ACACB: variants seen among roughly 807,000 people sequenced by gnomAD.
ACACB encodes the protein acetyl-CoA carboxylase beta, also known as acetyl-CoA carboxylase 2.
A neutral mutation model predicts 278.8 loss-of-function variants in ACACB; 209 were observed. That is an observed-to-expected ratio of 0.75 (90% confidence interval 0.67 to 0.84). The LOEUF (loss-of-function observed/expected upper bound fraction) is 0.84. ACACB is among the 40% of genes least tolerant of loss of function. The pLI is 0.00. For missense variants in ACACB, 2,850 were observed against 3,269.0 expected (o/e 0.87, Z 3.13); for synonymous variants, 1,174 against 1,285.6 (o/e 0.91, Z 1.86).
rs1183736902 is a variant in ACACB at position 109,266,501 on chromosome 12, G to A, written c.*139G>A. On this transcript the variant is annotated 3_prime_UTR_variant, in exon 53 of 53. Coordinates refer to ENST00000338432, the MANE Select transcript of ACACB (RefSeq NM_001093.4). ...GCACTTCTGCAGGGCTGCTGGTTCC[G>A]AGCTGACACCCGTCTTAACAAAAGG... 7 of 1,110,650 alleles carry A rather than the reference G, an allele frequency of 6.3e-6. No homozygotes were observed. Among genetic ancestry groups the A allele is most frequent in the East Asian group, 3.0e-5 (1 of 33,714 alleles). 68.8% of individuals were successfully genotyped at this position (1,110,650 alleles called of 1,614,324 possible). A position where few individuals can be genotyped will look rare whatever the true frequency, so the allele number is the denominator to read the frequency against.
intron 28 of ACACB, among the ~76,000 whole-genome samples, chr12:109,231,198 G>A (rs1244610475): frequency 2.0e-5 from 3 of 152,136 alleles, no homozygotes; most frequent in Non-Finnish European, 2.9e-5. Context: ...TCTGTGCTGG[G>A]TGGGAACTGG....
rs554472323 is a variant in ACACB, at chr12:109,252,627, T to C, written c.5902-388T>C. On this transcript the variant is annotated intron_variant, in intron 42 of 52. Transcript: ENST00000338432. Reference sequence around the variant, plus strand: ...AAATCTCAGCCAAAGTCTCAAAGCCTGGTTCTTGAACCAACAGCATCAGCA... The same window carrying C: ...AAATCTCAGCCAAAGTCTCAAAGCCCGGTTCTTGAACCAACAGCATCAGCA... 7.4e-5 allele frequency: 13 copies of C among 176,392 alleles called. 1 individual carries two copies. In the East Asian group the frequency reaches 1.9e-3, roughly 25 times the overall value. 10.9% of individuals were successfully genotyped at this position (176,392 alleles called of 1,614,324 possible).
chr12:109,131,419 CA>C (rs1342474872), intron 1 of ACACB: 1 of 152,514 alleles, frequency 6.6e-6, no homozygotes, highest in Non-Finnish European at 1.5e-5. Context: ...GCTGCATCCC[CA>C]GTGACGGTAA....
intron 16 of ACACB, among the ~76,000 whole-genome samples, chr12:109,194,242 C>T (rs1006852357): frequency 6.6e-6 from 1 of 152,054 alleles, no homozygotes; most frequent in African/African-American, 2.4e-5. Context: ...GTCACCCAGG[C>T]TGGAGTGCAG....
chr12:109,168,082 G>A, intron 4 of ACACB, 48 bp downstream of exon 4: 3 of 1,562,728 alleles, frequency 1.9e-6, no homozygotes, highest in Non-Finnish European at 2.6e-6. Flanking sequence ...ATCCTTGCCT[G>A]CCCTCGCCTC....
intron 1 of ACACB, among the ~76,000 whole-genome samples, chr12:109,124,956 C>CT (rs2042642087): frequency 5.9e-5 from 9 of 152,202 alleles, no homozygotes; most frequent in African/African-American, 2.2e-4. Flanking sequence ...TCAAACGATA[C>CT]TCCCGCCTTG....
At chr12:109,239,700 G>T in intron 34 of ACACB, 130 bp from the exon 35 acceptor site, 1 of 1,116,460 alleles carries the variant, frequency 9.0e-7, no homozygotes. Context: ...TGCTGTTCTT[G>T]CCTGGCACAC....
chr12:109,152,064 G>A (rs765943685), intron 2 of ACACB, among the ~76,000 whole-genome samples: 6 of 152,260 alleles, frequency 3.9e-5, no homozygotes, highest in South Asian at 2.1e-4. Flanking sequence ...CCTTATTTGA[G>A]ACCCTGGGTC....
intron 37 of ACACB, 80 bp from the exon 38 acceptor site, chr12:109,245,546 A>G: frequency 6.8e-7 from 1 of 1,476,458 alleles, no homozygotes; most frequent in Non-Finnish European, 9.2e-7. Context: ...TGGAATCATG[A>G]CAGATCATCT....
rs1482420345 is a variant in ACACB, at chr12:109,256,226, G to C, written c.6253G>C (p.Gly2085Arg). 1 of 1,613,686 alleles carries C rather than the reference G, an allele frequency of 6.2e-7. No individual in the cohort carries two copies. Among genetic ancestry groups the C allele is most frequent in the East Asian group, 2.2e-5 (1 of 44,878 alleles). Residue 2085 changes from glycine (G) to arginine (R), a missense_variant, in exon 45 of 53, where the codon GGA becomes CGA. Transcript: ENST00000338432. Reference sequence around the variant, plus strand: ...ACCCTGGGCGCAGACCGTGGTGACAGGACGAGCAAGGTAATCATGAAGACG... The same window carrying C: ...ACCCTGGGCGCAGACCGTGGTGACACGACGAGCAAGGTAATCATGAAGACG... ...MAPWAQTVVT[G>R]RARLGGIPVG...
At chr12:109,227,516 G>A (rs1436390762) in intron 28 of ACACB, 27 bp downstream of exon 28, 4 of 1,601,594 alleles carry the variant, frequency 2.5e-6, no homozygotes, top group Admixed American at 1.7e-5. Flanking sequence ...ACCCAGGGAC[G>A]GCCTGTGTTT....
intron 21 of ACACB, among the ~76,000 whole-genome samples, chr12:109,210,510 C>T (rs1411654355): frequency 1.1e-4 from 16 of 146,476 alleles, no homozygotes; most frequent in Admixed American, 2.7e-4. Context: ...TGTGTATATA[C>T]GCACATACAT....
chr12:109,162,716 A>C (rs1392167829), intron 2 of ACACB, among the ~76,000 whole-genome samples: 1 of 152,134 alleles, frequency 6.6e-6, no homozygotes, highest in East Asian at 1.9e-4. Flanking sequence ...CTGTCCAGGC[A>C]GAAGACTGGA....
intron 26 of ACACB, 22 bp from the exon 27 acceptor site, chr12:109,223,793 T>C (rs754861912): frequency 1.3e-6 from 2 of 1,596,830 alleles, no homozygotes; most frequent in Non-Finnish European, 1.7e-6. Context: ...TTTTCCTTGT[T>C]TCCCCTTTTC....
chr12:109,230,724 C>T (rs1279870115), intron 28 of ACACB, among the ~76,000 whole-genome samples: 2 of 152,232 alleles, frequency 1.3e-5, no homozygotes, highest in South Asian at 4.1e-4. Flanking sequence ...GCCCCTGTGC[C>T]TGGCCTTCTC....
At position 109,252,075 on chromosome 12, in the gene ACACB, C is replaced by T; in HGVS notation, c.5820C>T (p.Ala1940=). 1 of 1,613,522 alleles carries T rather than the reference C, an allele frequency of 6.2e-7. No individual in the cohort carries two copies. Among genetic ancestry groups the T allele is most frequent in the Non-Finnish European group, 8.5e-7 (1 of 1,179,796 alleles). The change falls in exon 42 of 53, where the codon GCC becomes GCT. Residue 1940 remains alanine (A), a synonymous_variant. Transcript: ENST00000338432. ...CCTGCCGAGCCATTGGGATTGGGGC[C>T]TACTTGGTGAGGCTGGGCCAGCGAG... ...LVTCRAIGIG[A]YLVRLGQRVI... is the part of the protein sequence containing the mutation.
intron 2 of ACACB, among the ~76,000 whole-genome samples, chr12:109,151,009 C>T (rs1236677019): frequency 7.2e-6 from 1 of 138,660 alleles, no homozygotes; most frequent in Non-Finnish European, 1.5e-5. Context: ...GACGGAGTCT[C>T]GCTCTGTAGC....
intron 2 of ACACB, among the ~76,000 whole-genome samples, chr12:109,157,108 C>G (rs2043565752): frequency 6.6e-6 from 1 of 152,038 alleles, no homozygotes; most frequent in African/African-American, 2.4e-5. Context: ...TGTTGGGGGA[C>G]TACATTGTTC....
intron 1 of ACACB, among the ~76,000 whole-genome samples, chr12:109,128,097 C>T (rs7972730): frequency 0.17 from 26,225 of 152,026 alleles, 2,379 homozygotes; most frequent in African/African-American, 0.21. Context: ...GTCTCCAACC[C>T]GGAAGGTATC....
Sources: allele counts gnomAD v4.1 joint callset (sites outside exome capture counted in the v4.1 genomes callset), GRCh38; gene constraint gnomAD v4.1.1; transcripts MANE v1.5; gene names NCBI Gene and HGNC (gene_info 2026-07-23, HGNC 2026-07-21).